The following GALNTL6 variants were observed in gnomAD, a reference collection of about 807,000 sequenced individuals.
GALNTL6 encodes the protein polypeptide N-acetylgalactosaminyltransferase like 6.
In GALNTL6, 46 loss-of-function variants were observed where a neutral mutation model predicts 73.7. That is an observed-to-expected ratio of 0.62 (90% CI 0.49 to 0.80). The LOEUF is 0.80. GALNTL6 is among the 30% of genes least tolerant of loss of function. The pLI, the probability that GALNTL6 is intolerant of heterozygous loss-of-function variation, is 0.00. For synonymous variants in GALNTL6, 259 were observed against 263.7 expected, an observed-to-expected ratio of 0.98 and a Z score of 0.17; for missense variants, 604 against 755.0, an observed-to-expected ratio of 0.80 and a Z score of 2.34.
At chr4:172,382,517 A>T (rs185981679) in intron 5 of GALNTL6, among the ~76,000 whole-genome samples, 25 of 152,280 alleles carry the variant, frequency 1.6e-4, no homozygotes, top group African/African-American at 5.8e-4. Flanking sequence ...TATCAAATAT[A>T]TAATTTGTAA....
At chr4:172,431,113 A>G (rs557436482) in intron 5 of GALNTL6, among the ~76,000 whole-genome samples, 3 of 152,314 alleles carry the variant, frequency 2.0e-5, no homozygotes, top group African/African-American at 7.2e-5. Context: ...AAATAAAATT[A>G]AATTCTGCCA....
At chr4:172,194,224 T>G (rs1097441) in intron 2 of GALNTL6, among the ~76,000 whole-genome samples, 141,449 of 152,298 alleles carry the variant, frequency 0.93, 65,684 homozygotes, top group Middle Eastern at 0.96. Flanking sequence ...AGACCAAATG[T>G]AGGAAAGAAT....
intron 2 of GALNTL6, among the ~76,000 whole-genome samples, chr4:172,062,673 A>T (rs991242310): frequency 3.9e-5 from 6 of 152,260 alleles, no homozygotes; most frequent in Non-Finnish European, 7.3e-5. Context: ...CACATTTTAA[A>T]AAATGCAATT....
At chr4:172,388,727 C>A (rs1414674035) in intron 5 of GALNTL6, among the ~76,000 whole-genome samples, 1 of 151,918 alleles carries the variant, frequency 6.6e-6, no homozygotes, top group Non-Finnish European at 1.5e-5. Context: ...GTACTAAAAC[C>A]ATAATATTGA....
chr4:172,538,976 T>C (rs1210129322), intron 5 of GALNTL6, among the ~76,000 whole-genome samples: 1 of 152,120 alleles, frequency 6.6e-6, no homozygotes, highest in Admixed American at 6.5e-5. Context: ...AAAAAGAAAC[T>C]GAACATTAGC....
chr4:171,855,748 C>T (rs998234008), intron 2 of GALNTL6, among the ~76,000 whole-genome samples: 1 of 152,156 alleles, frequency 6.6e-6, no homozygotes, highest in African/African-American at 2.4e-5. Context: ...GTTCCTGTTA[C>T]TCCACATCCT....
intron 2 of GALNTL6, among the ~76,000 whole-genome samples, chr4:172,119,925 C>T (rs922250283): frequency 6.6e-6 from 1 of 152,156 alleles, no homozygotes; most frequent in African/African-American, 2.4e-5. Flanking sequence ...AAACATTGTG[C>T]ACCTCATTTT....
intron 2 of GALNTL6, among the ~76,000 whole-genome samples, chr4:172,016,093 A>AT (rs1405194874): frequency 6.6e-6 from 1 of 151,496 alleles, no homozygotes. Context: ...AGCTTCTTGT[A>AT]TTTGCATGTC....
intron 5 of GALNTL6, among the ~76,000 whole-genome samples, chr4:172,801,665 T>A (rs1740651861): frequency 6.6e-6 from 1 of 152,220 alleles, no homozygotes; most frequent in African/African-American, 2.4e-5. Flanking sequence ...GGTGAATACA[T>A]AGGTGCTGTG....
intron 5 of GALNTL6, among the ~76,000 whole-genome samples, chr4:172,642,256 G>A (rs190097680): frequency 6.6e-5 from 10 of 152,068 alleles, no homozygotes; most frequent in African/African-American, 1.9e-4. Flanking sequence ...AAATTCATGT[G>A]TCAAAGAGAT....
chr4:172,766,885 G>T (rs778309998), intron 5 of GALNTL6, among the ~76,000 whole-genome samples: 4 of 152,166 alleles, frequency 2.6e-5, no homozygotes, highest in Non-Finnish European at 5.9e-5. Context: ...AACATATTTG[G>T]AGAAGGAATT....
At chr4:172,861,770 C>T (rs978113008) in intron 7 of GALNTL6, among the ~76,000 whole-genome samples, 7 of 152,164 alleles carry the variant, frequency 4.6e-5, no homozygotes, top group South Asian at 2.1e-4. Flanking sequence ...GGAGTTCCCC[C>T]GTACACACTC....
At position 172,455,886 on chromosome 4, in the gene GALNTL6, C is replaced by CACA. The variant is rs1732381981; in HGVS notation, c.553+107197_553+107198insACA. Among the ~76,000 whole-genome samples the CACA allele has an allele frequency of 2.6e-5, 4 of 152,170 alleles. No homozygotes were observed. In the South Asian group the frequency reaches 8.3e-4, roughly 32 times the overall value. On this transcript the variant is annotated intron_variant, in intron 5 of 12. Coordinates refer to ENST00000506823, the MANE Select transcript of GALNTL6 (RefSeq NM_001034845.3). Reference sequence around the variant, plus strand: ...TGCCTCCTCAAGTGGGTCCCTGACCCCAGTGCCTCCTGACTGGGAGACACC... The same window carrying CACA: ...TGCCTCCTCAAGTGGGTCCCTGACCCACACAGTGCCTCCTGACTGGGAGACACC...
At chr4:172,596,320 G>A (rs936911057) in intron 5 of GALNTL6, among the ~76,000 whole-genome samples, 14 of 152,064 alleles carry the variant, frequency 9.2e-5, no homozygotes, top group African/African-American at 3.4e-4. Context: ...AGCTAGGCGT[G>A]GTGGCCTGTA....
intron 5 of GALNTL6, among the ~76,000 whole-genome samples, chr4:172,412,952 G>A (rs570207224): frequency 6.6e-6 from 1 of 152,214 alleles, no homozygotes; most frequent in Admixed American, 6.6e-5. Context: ...CAGAAATAGA[G>A]CCACATTCTC....
intron 7 of GALNTL6, among the ~76,000 whole-genome samples, chr4:172,849,475 C>CA (rs1390367303): frequency 6.6e-6 from 1 of 151,964 alleles, no homozygotes; most frequent in Non-Finnish European, 1.5e-5. Context: ...AATAGGCTCT[C>CA]AAAAAATGTT....
chr4:172,062,534 A>T (rs1161620592), intron 2 of GALNTL6, among the ~76,000 whole-genome samples: 3 of 152,226 alleles, frequency 2.0e-5, no homozygotes, highest in Admixed American at 6.5e-5. Flanking sequence ...TATCTCTTAA[A>T]AGTAAGGAAA....
intron 2 of GALNTL6, among the ~76,000 whole-genome samples, chr4:172,147,101 T>C (rs1187498983): frequency 6.6e-6 from 1 of 152,228 alleles, no homozygotes; most frequent in Non-Finnish European, 1.5e-5. Flanking sequence ...AGTTCCCATG[T>C]CCTGTATTTC....
chr4:172,530,416 T>A (rs1692301554), intron 5 of GALNTL6, among the ~76,000 whole-genome samples: 1 of 152,060 alleles, frequency 6.6e-6, no homozygotes. Flanking sequence ...TCAGATATAA[T>A]CTTATTTTTA....
Sources: allele counts gnomAD v4.1 joint callset (sites outside exome capture counted in the v4.1 genomes callset), GRCh38; gene constraint gnomAD v4.1.1; transcripts MANE v1.5; gene names NCBI Gene and HGNC (gene_info 2026-07-23, HGNC 2026-07-21).